The following DCAF8L2 variants were observed in gnomAD, a reference collection of about 807,000 sequenced individuals.
DCAF8L2 encodes the protein DDB1- and CUL4-associated factor 8-like protein 2.
For synonymous variants in DCAF8L2, 200 were observed against 190.9 expected (o/e 1.05, Z -0.39); for missense variants, 430 against 490.7 (o/e 0.88, Z 1.17).
chrX:27,688,223 T>C (rs5926857), intron 3 of DCAF8L2, among the ~76,000 whole-genome samples: 31,963 of 110,982 alleles, frequency 0.29, 3,984 homozygotes, highest in Middle Eastern at 0.44. Flanking sequence ...TTAGCATCTT[T>C]TTTTTACAGC....
chrX:27,571,614 T>A, the DCAF8L2 span, among the ~76,000 whole-genome samples: 1 of 111,813 alleles, frequency 8.9e-6, no homozygotes, highest in African/African-American at 3.2e-5. Context: ...AAGTATAGAT[T>A]TCCTCCCCTT....
intron 1 of DCAF8L2, among the ~76,000 whole-genome samples, chrX:27,601,882 T>A (rs755201857): frequency 7.4e-4 from 82 of 110,636 alleles, no homozygotes; most frequent in Non-Finnish European, 1.4e-3. Flanking sequence ...TCTGGTAGGG[T>A]TTAGCTAAAG....
intron 2 of DCAF8L2, among the ~76,000 whole-genome samples, chrX:27,649,885 G>GC (rs1202645464): frequency 9.8e-5 from 11 of 111,726 alleles, no homozygotes; most frequent in African/African-American, 3.6e-4. Context: ...CAAGGCTGAT[G>GC]CATAGAATGG....
intron 1 of DCAF8L2, among the ~76,000 whole-genome samples, chrX:27,606,286 G>T (rs1388083950): frequency 4.3e-4 from 32 of 74,216 alleles, no homozygotes; most frequent in African/African-American, 1.1e-3. Flanking sequence ...TATATATATA[G>T]GAATTATATA....
the DCAF8L2 span, among the ~76,000 whole-genome samples, chrX:27,528,801 T>C: frequency 9.0e-6 from 1 of 111,098 alleles, no homozygotes; most frequent in South Asian, 3.8e-4. Context: ...CGTCATTCAG[T>C]TAGGTATAAT....
chrX:27,475,671 A>G, the DCAF8L2 span, among the ~76,000 whole-genome samples: 1 of 109,387 alleles, frequency 9.1e-6, no homozygotes, highest in African/African-American at 3.3e-5. Flanking sequence ...AATAAAATTT[A>G]AAATATTTTT....
the DCAF8L2 span, among the ~76,000 whole-genome samples, chrX:27,495,435 T>C: frequency 8.9e-6 from 1 of 111,964 alleles, no homozygotes. Flanking sequence ...CTTCCATTTC[T>C]CTGAAAAAGT....
chrX:27,715,556 A>G (rs1215903937), intron 3 of DCAF8L2, among the ~76,000 whole-genome samples: 2 of 111,501 alleles, frequency 1.8e-5, no homozygotes, highest in Non-Finnish European at 3.8e-5. Context: ...GTAAAATAGA[A>G]ATCAGTAATA....
the DCAF8L2 span, among the ~76,000 whole-genome samples, chrX:27,565,898 G>A: frequency 1.8e-5 from 2 of 110,822 alleles, no homozygotes; most frequent in Admixed American, 1.9e-4. Context: ...AAAAAGACAG[G>A]TTAGGGCTGG....
chrX:27,492,048 TG>T, the DCAF8L2 span, among the ~76,000 whole-genome samples: 1 of 112,493 alleles, frequency 8.9e-6, no homozygotes, highest in South Asian at 3.7e-4. Context: ...AGGGAAACCT[TG>T]GGCCTGTTTC....
intron 1 of DCAF8L2, among the ~76,000 whole-genome samples, chrX:27,629,441 CCTTT>C (rs950218601): frequency 1.6e-4 from 17 of 106,291 alleles, no homozygotes; most frequent in African/African-American, 2.8e-4. Context: ...TCTCTCTTTC[CCTTT>C]CTTTCTTTCT....
chrX:27,506,576 T>G, the DCAF8L2 span, among the ~76,000 whole-genome samples: 12 of 111,286 alleles, frequency 1.1e-4, no homozygotes, highest in African/African-American at 3.9e-4. Flanking sequence ...AGGCCTTTCT[T>G]CACTGTAGCA....
intron 3 of DCAF8L2, among the ~76,000 whole-genome samples, chrX:27,702,699 C>T (rs759810730): frequency 1.8e-5 from 2 of 110,918 alleles, no homozygotes; most frequent in Non-Finnish European, 3.8e-5. Context: ...TAAAAGATAA[C>T]TGCTTCAAAT....
chrX:27,696,388 A>G (rs985061007), intron 3 of DCAF8L2, among the ~76,000 whole-genome samples: 2 of 111,306 alleles, frequency 1.8e-5, no homozygotes, highest in African/African-American at 6.5e-5. Context: ...CATGCTAGAA[A>G]GAATACAGCC....
intron 3 of DCAF8L2, among the ~76,000 whole-genome samples, chrX:27,693,651 C>A (rs1930792023): frequency 9.0e-6 from 1 of 111,240 alleles, no homozygotes; most frequent in South Asian, 3.7e-4. Context: ...CAAATCAAAA[C>A]CACAATGACA....
At chrX:27,711,119 C>G (rs1344818558) in intron 3 of DCAF8L2, among the ~76,000 whole-genome samples, 3 of 111,154 alleles carry the variant, frequency 2.7e-5, no homozygotes, top group African/African-American at 9.8e-5. Context: ...ATTACATTAA[C>G]TGATTACTTC....
the DCAF8L2 span, among the ~76,000 whole-genome samples, chrX:27,507,116 C>T: frequency 0.2 from 22,142 of 111,076 alleles, 1,887 homozygotes; most frequent in East Asian, 0.37. Flanking sequence ...GTCTACTATC[C>T]TATTTTACCT....
the DCAF8L2 span, among the ~76,000 whole-genome samples, chrX:27,490,587 G>A: frequency 9.1e-6 from 1 of 109,710 alleles, no homozygotes; most frequent in African/African-American, 3.3e-5. Flanking sequence ...TCAGCCTCCC[G>A]AGTAGCTGGG....
the DCAF8L2 span, among the ~76,000 whole-genome samples, chrX:27,496,485 A>G: frequency 3.6e-5 from 4 of 111,510 alleles, no homozygotes; most frequent in Non-Finnish European, 7.5e-5. Flanking sequence ...ATTCTTATAC[A>G]GGGAATTCAT....
Sources: allele counts gnomAD v4.1 joint callset (sites outside exome capture counted in the v4.1 genomes callset), GRCh38; gene constraint gnomAD v4.1.1; transcripts MANE v1.5; gene names NCBI Gene and HGNC (gene_info 2026-07-23, HGNC 2026-07-21).